The following ATXN2 variants were observed in gnomAD, a reference collection of about 807,000 sequenced individuals.
ATXN2 encodes ataxin-2.
In ATXN2, 37 loss-of-function variants were observed where a neutral mutation model predicts 138.6. That is an observed-to-expected ratio of 0.27 (90% confidence interval 0.21 to 0.35). ATXN2 has a LOEUF of 0.35. Among genes scored for constraint, ATXN2 ranks in the 10% least tolerant of loss-of-function variants. The pLI is 1.00. For synonymous variants in ATXN2, 549 were observed against 543.7 expected, an observed-to-expected ratio of 1.01 and a Z score of -0.13; for missense variants, 1,216 against 1,480.3, an observed-to-expected ratio of 0.82 and a Z score of 2.93.
At chr12:111,503,847 CCCAAAGTGTTAGGATTATAGGTATCAG>C (rs367821906) in intron 14 of ATXN2, among the ~76,000 whole-genome samples, 274 of 152,256 alleles carry the variant, frequency 1.8e-3, no homozygotes, top group African/African-American at 6.4e-3. Flanking sequence ...GCCTCAGCCT[CCCAAAGTGTTAGGATTATAGGTATCAG>C]CCACCGTGCC....
chr12:111,507,273 G>A (rs563144685), intron 14 of ATXN2, among the ~76,000 whole-genome samples: 9 of 149,444 alleles, frequency 6.0e-5, no homozygotes, highest in South Asian at 2.1e-4. Context: ...CCTCTGCCCC[G>A]CTGCCCCGTC....
chr12:111,478,549 A>G (rs1876988594), intron 18 of ATXN2, among the ~76,000 whole-genome samples: 1 of 152,206 alleles, frequency 6.6e-6, no homozygotes. Context: ...TCACAATGAG[A>G]TACCATAAGA....
chr12:111,462,977 T>TACACACACAC (rs59710594), intron 21 of ATXN2, among the ~76,000 whole-genome samples: 94 of 147,854 alleles, frequency 6.4e-4, no homozygotes, highest in African/African-American at 2.1e-3. Context: ...TATATATATA[T>TACACACACAC]ACACACACAC....
chr12:111,541,346 C>CTTTTTTT (rs62932861), intron 5 of ATXN2, among the ~76,000 whole-genome samples: 1 of 67,448 alleles, frequency 1.5e-5, no homozygotes, highest in Non-Finnish European at 3.0e-5. Context: ...AGTTATAATT[C>CTTTTTTT]TTTTTTTTTT....
chr12:111,469,099 CAA>C (rs1320487996), intron 20 of ATXN2: 5 of 152,098 alleles, frequency 3.3e-5, no homozygotes, highest in Admixed American at 6.6e-5. Context: ...TCAAAAAGTT[CAA>C]AGAGGCTTTA....
chr12:111,569,393 A>G (rs1033547958), intron 1 of ATXN2, among the ~76,000 whole-genome samples: 1 of 152,182 alleles, frequency 6.6e-6, no homozygotes, highest in Non-Finnish European at 1.5e-5. Flanking sequence ...GCTAGCTAAT[A>G]TAATTATTTC....
At chr12:111,481,367 C>T (rs1439128188) in intron 18 of ATXN2, among the ~76,000 whole-genome samples, 1 of 152,166 alleles carries the variant, frequency 6.6e-6, no homozygotes, top group African/African-American at 2.4e-5. Flanking sequence ...ATTGCTTGAA[C>T]CCAGGAAGCG....
intron 1 of ATXN2, among the ~76,000 whole-genome samples, chr12:111,581,141 A>C (rs1218590851): frequency 2.0e-5 from 3 of 150,870 alleles, no homozygotes; most frequent in Non-Finnish European, 4.5e-5. Context: ...ATCTCAAAAA[A>C]AAAAAAAAAA....
intron 1 of ATXN2, among the ~76,000 whole-genome samples, chr12:111,584,927 G>A (rs774048357): frequency 5.3e-5 from 8 of 151,910 alleles, no homozygotes; most frequent in Non-Finnish European, 1.2e-4. Context: ...CTCCAGCCTC[G>A]GCAACTAAGA....
At chr12:111,465,665 G>C (rs1875942896) in intron 20 of ATXN2, among the ~76,000 whole-genome samples, 1 of 151,292 alleles carries the variant, frequency 6.6e-6, no homozygotes, top group Non-Finnish European at 1.5e-5. Context: ...ACCTACTCGG[G>C]AGGCTGAGGC....
At chr12:111,548,367 C>A (rs1430915062) in intron 5 of ATXN2, among the ~76,000 whole-genome samples, 1 of 152,144 alleles carries the variant, frequency 6.6e-6, no homozygotes, top group African/African-American at 2.4e-5. Flanking sequence ...TCATCTATGA[C>A]GTGGATAATA....
At chr12:111,457,626 C>A (rs1185783585) in intron 21 of ATXN2, 1 of 283,992 alleles carries the variant, frequency 3.5e-6, no homozygotes, top group Non-Finnish European at 6.5e-6. Flanking sequence ...TTAACGGTCA[C>A]TAGGTTTTCC....
chr12:111,543,327 C>T (rs1881632239), intron 5 of ATXN2, among the ~76,000 whole-genome samples: 1 of 152,210 alleles, frequency 6.6e-6, no homozygotes, highest in African/African-American at 2.4e-5. Flanking sequence ...CATATGAGAA[C>T]ACAACAGCAC....
intron 21 of ATXN2, among the ~76,000 whole-genome samples, chr12:111,464,325 GTGTGTGTGTT>G (rs1875827438): frequency 7.9e-6 from 1 of 125,838 alleles, no homozygotes; most frequent in African/African-American, 4.4e-5. Context: ...TGTGGCTTGG[GTGTGTGTGTT>G]TGTGTGTGTG....
At chr12:111,493,445 C>A (rs1039089609) in intron 14 of ATXN2, among the ~76,000 whole-genome samples, 14 of 125,982 alleles carry the variant, frequency 1.1e-4, no homozygotes, top group East Asian at 2.3e-4. Context: ...AAAAAAAGTT[C>A]TTCAATCTGC....
upstream of ATXN2, chr12:111,599,621 G>C (rs1219818385): frequency 9.3e-7 from 1 of 1,078,502 alleles, no homozygotes; most frequent in East Asian, 6.0e-5. Context: ...GGTGGCCCCG[G>C]GGCCGGGAGG....
intron 7 of ATXN2, 89 bp from the exon 8 acceptor site, chr12:111,520,165 G>C: frequency 1.4e-6 from 2 of 1,464,872 alleles, no homozygotes; most frequent in Non-Finnish European, 1.8e-6. Context: ...AAAGTTTAGA[G>C]TTTAGAATAC....
Position 111,464,714 on chromosome 12 carries a change from T to C in ATXN2, c.2844A>G (p.Ala948=). The C allele has an allele frequency of 1.2e-6, 2 of 1,610,760 alleles. No homozygotes were observed. The highest frequency in any genetic ancestry group is 1.7e-6 in the Non-Finnish European group (2 of 1,177,506). Reference sequence around the variant, plus strand: ...CCTTGTTGTATGGTAATTTGGGACATGCTGAATTTGGGAAATAGAAAGGTA... The same window carrying C: ...CCTTGTTGTATGGTAATTTGGGACACGCTGAATTTGGGAAATAGAAAGGTA... ...GAHEQTHAMY[A]CPKLPYNKET... The change falls in exon 21 of 25, where the codon GCA becomes GCG. Residue 948 remains alanine (A), a splice_region_variant and synonymous_variant. Transcript: ENST00000673436.
chr12:111,487,295 C>A (rs1471231331), intron 15 of ATXN2, among the ~76,000 whole-genome samples: 1 of 151,826 alleles, frequency 6.6e-6, no homozygotes, highest in East Asian at 1.9e-4. Context: ...CCATTTTGGC[C>A]ACGCTGACCT....
Sources: allele counts gnomAD v4.1 joint callset (sites outside exome capture counted in the v4.1 genomes callset), GRCh38; gene constraint gnomAD v4.1.1; transcripts MANE v1.5; gene names NCBI Gene and HGNC (gene_info 2026-07-23, HGNC 2026-07-21).